PLCH2: variants seen among roughly 807,000 people sequenced by gnomAD.
PLCH2 encodes the protein phospholipase C eta 2.
Under a neutral mutation model 134.7 loss-of-function variants are expected in PLCH2, and 98 were observed. That is an observed-to-expected ratio of 0.73 (90% CI 0.62 to 0.86). The LOEUF is 0.86. Among genes scored for constraint, PLCH2 ranks in the 40% least tolerant of loss-of-function variants. PLCH2 has a pLI of 0.00. For missense variants in PLCH2, 1,994 were observed against 1,986.6 expected (o/e 1.00, Z -0.07); for synonymous variants, 974 against 827.5 (o/e 1.18, Z -3.04).
chr1:2,487,762 G>A, intron 8 of PLCH2, 44 bp downstream of exon 8: 6 of 1,592,110 alleles, frequency 3.8e-6, no homozygotes, highest in Non-Finnish European at 5.1e-6. Flanking sequence ...AGGTGGGCAG[G>A]GTAGGGTCTC....
intron 2 of PLCH2, among the ~76,000 whole-genome samples, chr1:2,445,274 C>T (rs1280178714): frequency 6.6e-6 from 1 of 152,124 alleles, no homozygotes; most frequent in Non-Finnish European, 1.5e-5. Flanking sequence ...CCTGATGGCC[C>T]TGCCCTCTGG....
intron 2 of PLCH2, among the ~76,000 whole-genome samples, chr1:2,445,069 G>A (rs1639879289): frequency 6.6e-6 from 1 of 152,106 alleles, no homozygotes. Flanking sequence ...AGGACCCTGG[G>A]CTGATGGGAG....
chr1:2,420,992 TG>T (rs1362774300), upstream of PLCH2, among the ~76,000 whole-genome samples: 11 of 149,906 alleles, frequency 7.3e-5, no homozygotes, highest in African/African-American at 2.5e-4. Flanking sequence ...TCACCCAGGC[TG>T]GAGTGCAGTG....
In PLCH2 at chr1:2,444,523, G is replaced by C. The variant is rs778121124; in HGVS notation, c.115+13894G>C. ...CCCTGCTGGATGGTCTGTAGGACAC[G>C]GGAGGGGGAAGTGTTTGAGTGTCCA... On this transcript the variant is annotated intron_variant, in intron 2 of 3. Transcript: ENST00000609981. This position sits in a 1 kb window ranked among gnomAD's most constrained non-coding sequence, Gnocchi z 4.6. 2.1e-5 allele frequency among the ~76,000 whole-genome samples: 3 copies of C among 140,842 alleles called. No individual in the cohort carries two copies. Among genetic ancestry groups the C allele is most frequent in the African/African-American group, 4.9e-5 (2 of 41,116 alleles). 92.4% of individuals were successfully genotyped at this position (140,842 alleles called of 152,430 possible). A position where few individuals can be genotyped will look rare whatever the true frequency, so the allele number is the denominator to read the frequency against.
rs1007065009 is a variant in PLCH2, at chr1:2,498,828, G to A, written c.2434G>A (p.Gly812Arg). The change falls in exon 18 of 22, where the codon GGG (glycine) becomes AGG (arginine). Residue 812 changes from glycine to arginine, a missense_variant and splice_region_variant. By Grantham distance (125) the Gly-to-Arg change is moderately radical. Coordinates refer to ENST00000378486, the MANE Select transcript of PLCH2 (RefSeq NM_014638.4). This position sits in a 1 kb window ranked among gnomAD's most constrained non-coding sequence, Gnocchi z 5.4. ...GCAGACCCGCGTGGTGGACGACAACGGTGAGGCTGGGCCGTGGCTCCGTCA... is the reference window on the plus strand; with the variant it reads ...GCAGACCCGCGTGGTGGACGACAACAGTGAGGCTGGGCCGTGGCTCCGTCA... ...REQTRVVDDN[G>R]FNPTWEETLV... is the part of the protein sequence containing the mutation. 5.6e-6 allele frequency: 9 copies of A among 1,605,000 alleles called. No homozygotes were observed. Among genetic ancestry groups the A allele is most frequent in the Non-Finnish European group, 7.7e-6 (9 of 1,174,362 alleles).
Position 2,432,765 on chromosome 1 carries a change from G to A in PLCH2, c.115+2136G>A, listed in dbSNP as rs547972660. Among the ~76,000 whole-genome samples the A allele has an allele frequency of 2.6e-5, 4 of 152,318 alleles. No individual in the cohort carries two copies. The South Asian group carries it at 6.2e-4, about 24-fold the overall frequency. On this transcript the variant is annotated intron_variant, in intron 2 of 3. Coordinates refer to the PLCH2 transcript ENST00000609981. Reference sequence around the variant, plus strand: ...TGGAGGGTCAGAGCCCGCCGTGCAGGCTTGCCTGGACGGACACCGCCGCCC... The same window carrying A: ...TGGAGGGTCAGAGCCCGCCGTGCAGACTTGCCTGGACGGACACCGCCGCCC...
upstream of PLCH2, among the ~76,000 whole-genome samples, chr1:2,424,803 C>G (rs1163700812): frequency 2.0e-5 from 3 of 152,130 alleles, no homozygotes; most frequent in Non-Finnish European, 4.4e-5. Context: ...CTGGCTAACA[C>G]AGTGAAACCC....
chr1:2,456,039 A>G (rs1037404433), intron 2 of PLCH2, among the ~76,000 whole-genome samples: 1 of 152,188 alleles, frequency 6.6e-6, no homozygotes, highest in African/African-American at 2.4e-5. Context: ...GCTTGGCAAT[A>G]TTGCAATTAT....
intron 2 of PLCH2, among the ~76,000 whole-genome samples, chr1:2,456,087 G>A (rs1009939612): frequency 6.6e-6 from 1 of 152,256 alleles, no homozygotes; most frequent in Admixed American, 6.5e-5. Context: ...GTCGCCTGGG[G>A]CAGCATTGGC....
At chr1:2,436,660 A>G (rs1388241985) in intron 2 of PLCH2, among the ~76,000 whole-genome samples, 5 of 151,898 alleles carry the variant, frequency 3.3e-5, no homozygotes, top group Non-Finnish European at 7.4e-5. Context: ...GTCTCCTGGG[A>G]GGCCTGGAGA....
intron 2 of PLCH2, among the ~76,000 whole-genome samples, chr1:2,454,990 C>A (rs1205349944): frequency 6.6e-6 from 1 of 152,154 alleles, no homozygotes; most frequent in African/African-American, 2.4e-5. Flanking sequence ...GGCCTCGGCC[C>A]CCCATGTGGC....
chr1:2,446,398 C>T (rs1264012517), intron 2 of PLCH2, among the ~76,000 whole-genome samples: 9 of 152,200 alleles, frequency 5.9e-5, no homozygotes, highest in African/African-American at 1.4e-4. Flanking sequence ...CCAGGTCTCC[C>T]GGGGCTGGGG....
chr1:2,452,842 A>G (rs1304032387), intron 2 of PLCH2, among the ~76,000 whole-genome samples: 4 of 152,180 alleles, frequency 2.6e-5, no homozygotes, highest in South Asian at 4.1e-4. Flanking sequence ...CAAGTACACA[A>G]CAAAGGCAGT....
chr1:2,419,097 G>A, the PLCH2 span, among the ~76,000 whole-genome samples: 1 of 152,180 alleles, frequency 6.6e-6, no homozygotes, highest in East Asian at 1.9e-4. Flanking sequence ...GGCGTCTGAG[G>A]CTCCCCCATC....
rs143896789 is a variant in PLCH2, at chr1:2,489,092, G to A, written c.1236-115G>A. The A allele has an allele frequency of 6.9e-5, 65 of 948,612 alleles. 1 individual carries two copies. In the East Asian group the frequency reaches 1.4e-3, roughly 21 times the overall value. 58.8% of individuals were successfully genotyped at this position (948,612 alleles called of 1,614,324 possible). A position where few individuals can be genotyped will look rare whatever the true frequency, so the allele number is the denominator to read the frequency against. Reference sequence around the variant, plus strand: ...GTAATCCCAGCTATCCTGGGTTCCTGGTGAAGACCCCTCCTCATTCAATGG... The same window carrying A: ...GTAATCCCAGCTATCCTGGGTTCCTAGTGAAGACCCCTCCTCATTCAATGG... On this transcript the variant is annotated intron_variant, in intron 8 of 21. Transcript: ENST00000378486.
rs765614172 is a variant in PLCH2 at position 2,496,737 on chromosome 1, GA to G, written c.1933+34del. Reference sequence around the variant, plus strand: ...GCTCGGGGACCTGGGGCCACGGGCGGAGGCCTCCCTGTCCCCCATCCCTGCT... The same window carrying G: ...GCTCGGGGACCTGGGGCCACGGGCGGGGCCTCCCTGTCCCCCATCCCTGCT... On this transcript the variant is annotated intron_variant, in intron 14 of 21. Coordinates refer to ENST00000378486, the MANE Select transcript of PLCH2 (RefSeq NM_014638.4). 3 of 1,609,500 alleles carry G rather than the reference GA, an allele frequency of 1.9e-6. No homozygotes were observed. The African/African-American group carries it at 4.0e-5, about 22-fold the overall frequency.
chr1:2,439,075 G>A lies in PLCH2; in HGVS notation c.115+8446G>A, dbSNP rs771648515. ...GGTCCCTGTCTTGCTAGACCTGGAC[G>A]GAAATATCTCCCTTGCCAATGAGAA... On this transcript the variant is annotated intron_variant, in intron 2 of 3. Coordinates refer to the PLCH2 transcript ENST00000609981. This position sits in a 1 kb window ranked among gnomAD's most constrained non-coding sequence, Gnocchi z 4.7. Among the ~76,000 whole-genome samples the A allele has an allele frequency of 2.0e-5, 3 of 152,184 alleles. No homozygotes were observed. Among genetic ancestry groups the A allele is most frequent in the African/African-American group, 7.2e-5 (3 of 41,450 alleles).
rs1005510271 is a variant in PLCH2 at position 2,504,434 on chromosome 1, C to T, written c.3472C>T (p.Leu1158Phe). Residue 1158 changes from leucine to phenylalanine, a missense_variant, in exon 22 of 22, where the codon CTC becomes TTC. Physicochemically the swap from Leu to Phe is conservative, Grantham distance 22 (BLOSUM62 0). This residue lies in a region of PLCH2 where 900 missense variants were observed against 752.3 expected (regional missense o/e 1.20). Transcript: ENST00000378486. ...SMSSSDTVIDLSLPSLGLGRS... is the reference protein window; with the variant it reads ...SMSSSDTVIDFSLPSLGLGRS... ...GTCATCCAGCGACACTGTCATTGAC[C>T]TCTCCCTGCCCAGCCTGGGCCTGGG... 2.5e-6 allele frequency: 4 copies of T among 1,612,634 alleles called. 1 individual carries two copies. In the Admixed American group the frequency reaches 6.7e-5, roughly 27 times the overall value.
the PLCH2 span, among the ~76,000 whole-genome samples, chr1:2,417,629 C>T: frequency 6.6e-6 from 1 of 152,192 alleles, no homozygotes; most frequent in Non-Finnish European, 1.5e-5. Context: ...CCTGCGAGCA[C>T]TGCATAGCCT....
Sources: gnomAD v4.1 joint callset for allele counts (sites outside exome capture counted in the v4.1 genomes callset) on GRCh38, gnomAD v4.1.1 for gene constraint, gnomAD v4.1.1 regional missense constraint, Gnocchi (gnomAD v3.1) non-coding constraint, MANE v1.5 for transcripts, NCBI Gene and HGNC (gene_info 2026-07-23, HGNC 2026-07-21) for gene names.